Variants in ADGRB3 observed in about 807,000 individuals in gnomAD.
ADGRB3 encodes adhesion G protein-coupled receptor B3, also known as brain-specific angiogenesis inhibitor 3.
ADGRB3 carries 37 observed loss-of-function variants against 193.4 expected under a neutral mutation model. The ratio of observed to expected loss-of-function variants is 0.19; its 90% CI spans 0.15 to 0.25. The LOEUF (loss-of-function observed/expected upper bound fraction) is 0.25, where lower values mean the gene tolerates loss of function less well. ADGRB3 is among the 10% of genes least tolerant of loss of function. The pLI, the probability that ADGRB3 is intolerant of heterozygous loss-of-function variation, is 1.00. For synonymous variants in ADGRB3, 690 were observed against 644.2 expected, an observed-to-expected ratio of 1.07 and a Z score of -1.08; for missense variants, 1,637 against 1,852.9, an observed-to-expected ratio of 0.88 and a Z score of 2.14.
At chr6:68,889,972 T>C (rs1271103470) in intron 3 of ADGRB3, among the ~76,000 whole-genome samples, 1 of 152,222 alleles carries the variant, frequency 6.6e-6, no homozygotes, top group Non-Finnish European at 1.5e-5. Flanking sequence ...AGTACTGTTG[T>C]AAAACTCTAT....
intron 17 of ADGRB3, among the ~76,000 whole-genome samples, chr6:69,150,013 C>G (rs925516426): frequency 6.7e-6 from 1 of 149,826 alleles, no homozygotes; most frequent in Admixed American, 6.7e-5. Flanking sequence ...GACACAAGCA[C>G]CTCTGTGGCC....
intron 3 of ADGRB3, among the ~76,000 whole-genome samples, chr6:68,655,065 C>T (rs2127283234): frequency 6.6e-6 from 1 of 151,062 alleles, no homozygotes; most frequent in South Asian, 2.1e-4. Flanking sequence ...CTCACATTCT[C>T]TTTGATCATT....
chr6:68,739,157 C>G (rs577173014), intron 3 of ADGRB3, among the ~76,000 whole-genome samples: 5 of 152,242 alleles, frequency 3.3e-5, no homozygotes, highest in South Asian at 2.1e-4. Context: ...TACTTTACCT[C>G]TGGTGCAATT....
chr6:68,709,321 A>G (rs574778555), intron 3 of ADGRB3, among the ~76,000 whole-genome samples: 3 of 152,160 alleles, frequency 2.0e-5, no homozygotes, highest in Non-Finnish European at 2.9e-5. Context: ...AATGCATTTT[A>G]CAAGAGGTAA....
intron 30 of ADGRB3, among the ~76,000 whole-genome samples, chr6:69,379,094 A>G (rs1174093267): frequency 6.6e-6 from 1 of 152,050 alleles, no homozygotes; most frequent in Non-Finnish European, 1.5e-5. Flanking sequence ...TGATAGTAAT[A>G]TGAATGCAAG....
chr6:69,196,069 T>TTCTGTCA (rs1433880435), intron 17 of ADGRB3, among the ~76,000 whole-genome samples: 2 of 152,144 alleles, frequency 1.3e-5, no homozygotes, highest in African/African-American at 2.4e-5. Context: ...CCTGGATCCC[T>TTCTGTCA]TCTGTCATCT....
At position 68,937,237 on chromosome 6, in the gene ADGRB3, G is replaced by GA. The variant is rs1435026044; in HGVS notation, c.1030+558dup. Among the ~76,000 whole-genome samples, 4 of 152,246 alleles carry GA rather than the reference G, an allele frequency of 2.6e-5. No homozygotes were observed. In the East Asian group the frequency reaches 7.7e-4, roughly 29 times the overall value. ...ATTAAACTTAATGAAGAGAGAGAGA[G>GA]AGAGAGAGAGATCTTTAATGTTAAA... is the stretch of plus-strand genomic sequence containing the variant. On this transcript the variant is annotated intron_variant, in intron 5 of 31. Transcript: ENST00000370598.
chr6:69,067,016 A>C (rs555963839), intron 16 of ADGRB3, among the ~76,000 whole-genome samples: 1 of 152,286 alleles, frequency 6.6e-6, no homozygotes, highest in Non-Finnish European at 1.5e-5. Context: ...AAAAGAAGGT[A>C]AAATGCATTT....
chr6:68,648,816 A>G (rs1030479845), intron 3 of ADGRB3, among the ~76,000 whole-genome samples: 1 of 151,036 alleles, frequency 6.6e-6, no homozygotes, highest in Non-Finnish European at 1.5e-5. Context: ...TTCTATATTT[A>G]TGTACCTAAA....
chr6:68,852,358 A>G (rs1438220943), intron 3 of ADGRB3, among the ~76,000 whole-genome samples: 1 of 151,936 alleles, frequency 6.6e-6, no homozygotes, highest in African/African-American at 2.4e-5. Context: ...AAATTAGCAT[A>G]TATTGAATAC....
chr6:68,691,524 G>A (rs775425127), intron 3 of ADGRB3, among the ~76,000 whole-genome samples: 1 of 152,042 alleles, frequency 6.6e-6, no homozygotes, highest in South Asian at 2.1e-4. Flanking sequence ...ATTGAAAATA[G>A]TGTATTTAAA....
intron 10 of ADGRB3, among the ~76,000 whole-genome samples, chr6:68,979,009 T>A (rs1046349731): frequency 2.6e-5 from 4 of 151,384 alleles, no homozygotes; most frequent in Non-Finnish European, 4.4e-5. Flanking sequence ...TAGTTGTGTA[T>A]GTTCTATGAA....
chr6:68,791,567 G>A (rs898983257), intron 3 of ADGRB3, among the ~76,000 whole-genome samples: 18 of 152,032 alleles, frequency 1.2e-4, no homozygotes, highest in Admixed American at 2.6e-4. Flanking sequence ...TGTCTTAATC[G>A]GCAAACTAGA....
At chr6:69,007,524 G>A (rs1769793340) in intron 11 of ADGRB3, among the ~76,000 whole-genome samples, 1 of 151,872 alleles carries the variant, frequency 6.6e-6, no homozygotes, top group African/African-American at 2.4e-5. Context: ...CATTTACCCA[G>A]GGAATTTGAA....
At chr6:68,723,023 C>A (rs906772712) in intron 3 of ADGRB3, among the ~76,000 whole-genome samples, 11 of 151,768 alleles carry the variant, frequency 7.2e-5, no homozygotes, top group African/African-American at 2.4e-4. Flanking sequence ...GGTGAACTTG[C>A]CTGTTGGACA....
chr6:68,669,698 T>A (rs988303375), intron 3 of ADGRB3, among the ~76,000 whole-genome samples: 3 of 151,338 alleles, frequency 2.0e-5, no homozygotes, highest in Non-Finnish European at 2.9e-5. Context: ...GCCACTTAGG[T>A]TGCTTCCAAA....
chr6:69,312,768 AAAG>A (rs1299842135), intron 20 of ADGRB3, among the ~76,000 whole-genome samples: 12 of 151,752 alleles, frequency 7.9e-5, no homozygotes, highest in African/African-American at 2.9e-4. Flanking sequence ...CAGGTTCTAT[AAAG>A]AAGTATATTA....
chr6:69,345,879 C>T (rs1369829443), intron 26 of ADGRB3, among the ~76,000 whole-genome samples: 2 of 152,174 alleles, frequency 1.3e-5, no homozygotes, highest in Admixed American at 6.5e-5. Context: ...CCCAAACCTT[C>T]TTCAGCTGAT....
intron 25 of ADGRB3, 129 bp downstream of exon 25, chr6:69,339,143 CA>C: frequency 8.8e-7 from 1 of 1,132,138 alleles, no homozygotes. Flanking sequence ...TTATAATTGG[CA>C]ACTGTCTTTA....
Sources: allele counts gnomAD v4.1 joint callset (sites outside exome capture counted in the v4.1 genomes callset), GRCh38; gene constraint gnomAD v4.1.1; transcripts MANE v1.5; gene names NCBI Gene and HGNC (gene_info 2026-07-23, HGNC 2026-07-21).